The following DEFB123 variants were observed in gnomAD, a reference collection of about 807,000 sequenced individuals.
DEFB123 encodes the protein beta-defensin 123.
For synonymous variants in DEFB123, 22 were observed against 28.3 expected, an observed-to-expected ratio of 0.78 and a Z score of 0.71; for missense variants, 71 against 75.0, an observed-to-expected ratio of 0.95 and a Z score of 0.20.
At chr20:31,445,171 G>A (rs1979557182) in intron 1 of DEFB123, among the ~76,000 whole-genome samples, 1 of 152,140 alleles carries the variant, frequency 6.6e-6, no homozygotes, top group South Asian at 2.1e-4. Flanking sequence ...ATCAGCACCT[G>A]TATCCAGAGG....
intron 1 of DEFB123, among the ~76,000 whole-genome samples, chr20:31,445,698 C>G (rs554345607): frequency 5.8e-4 from 88 of 152,214 alleles, no homozygotes; most frequent in Admixed American, 2.4e-3. Flanking sequence ...CGCCACCACG[C>G]CTGCCTAATT....
Position 31,440,665 on chromosome 20 carries a change from C to T in DEFB123, c.-34C>T, listed in dbSNP as rs1469078427. On this transcript the variant is annotated 5_prime_UTR_variant, in exon 1 of 2. Coordinates refer to ENST00000376309, the MANE Select transcript of DEFB123 (RefSeq NM_153324.4). ...TCTCCCATTAGCTCAGCCGTGGCAT[C>T]GGACTTGCAGCTTCATTTTGGGCTG... 4.3e-6 allele frequency: 7 copies of T among 1,613,048 alleles called. No individual in the cohort carries two copies. Among genetic ancestry groups the T allele is most frequent in the Non-Finnish European group, 5.9e-6 (7 of 1,179,778 alleles).
At chr20:31,443,348 C>T (rs2122411305) in intron 1 of DEFB123, among the ~76,000 whole-genome samples, 1 of 152,310 alleles carries the variant, frequency 6.6e-6, no homozygotes, top group East Asian at 1.9e-4. Context: ...TGGGGACCTT[C>T]TGGGTCTATT....
intron 1 of DEFB123, among the ~76,000 whole-genome samples, chr20:31,446,249 A>C (rs1979582420): frequency 6.6e-6 from 1 of 152,264 alleles, no homozygotes; most frequent in East Asian, 1.9e-4. Flanking sequence ...ACTTCAAAGC[A>C]AGGCAGGGCC....
chr20:31,447,809 C>T (rs1281301244), intron 1 of DEFB123, among the ~76,000 whole-genome samples: 1 of 80,016 alleles, frequency 1.2e-5, no homozygotes, highest in African/African-American at 5.4e-5. Context: ...TTTTTTGAGA[C>T]GGAGTCCCGC....
chr20:31,441,141 T>C (rs182740737), intron 1 of DEFB123, among the ~76,000 whole-genome samples: 132 of 152,336 alleles, frequency 8.7e-4, no homozygotes, highest in African/African-American at 3.0e-3. Context: ...AGCTCATTTG[T>C]ACTTAGCTGT....
chr20:31,442,667 G>A (rs1024780835), intron 1 of DEFB123, among the ~76,000 whole-genome samples: 2 of 147,584 alleles, frequency 1.4e-5, no homozygotes, highest in Non-Finnish European at 3.0e-5. Context: ...GGAGTGTAGA[G>A]GCACGATCTT....
At chr20:31,449,073 T>G (rs1219710976) in intron 1 of DEFB123, among the ~76,000 whole-genome samples, 1 of 152,046 alleles carries the variant, frequency 6.6e-6, no homozygotes, top group Non-Finnish European at 1.5e-5. Flanking sequence ...TGCTCATGGC[T>G]TCCTCCACCT....
At chr20:31,443,431 C>A (rs1979513611) in intron 1 of DEFB123, among the ~76,000 whole-genome samples, 1 of 152,184 alleles carries the variant, frequency 6.6e-6, no homozygotes, top group African/African-American at 2.4e-5. Context: ...TCAGGTAGCA[C>A]CATGCAGTGC....
intron 1 of DEFB123, among the ~76,000 whole-genome samples, chr20:31,448,869 G>A (rs531391874): frequency 2.3e-4 from 33 of 145,854 alleles, no homozygotes; most frequent in Admixed American, 7.0e-4. Context: ...GTGCCACCAC[G>A]CCCAGCTAAT....
At chr20:31,444,739 G>A (rs1260544012) in intron 1 of DEFB123, among the ~76,000 whole-genome samples, 1 of 152,148 alleles carries the variant, frequency 6.6e-6, no homozygotes, top group Non-Finnish European at 1.5e-5. Context: ...TAATACAAGT[G>A]TGCAGCTTAA....
intron 1 of DEFB123, among the ~76,000 whole-genome samples, chr20:31,447,179 T>C (rs1219845636): frequency 6.6e-6 from 1 of 150,744 alleles, no homozygotes. Context: ...GGAGAATCGC[T>C]TGAACCCGGG....
intron 1 of DEFB123, 138 bp downstream of exon 1, chr20:31,440,894 A>G: frequency 2.1e-6 from 2 of 955,308 alleles, no homozygotes; most frequent in Non-Finnish European, 1.6e-6. Context: ...CACCAGCAGC[A>G]GGTGCCAGCT....
Position 31,450,017 on chromosome 20 carries a change from G to C in DEFB123, c.59-12G>C. On this transcript the variant is annotated splice_polypyrimidine_tract_variant and intron_variant, in intron 1 of 1. Coordinates refer to ENST00000376309, the MANE Select transcript of DEFB123 (RefSeq NM_153324.4). ...GACTGATACTGTCTCCCTTCTTTCT[G>C]CTTTGTGTCAGGTGGCACCCAAAGA... 9 of 1,603,758 alleles carry C rather than the reference G, an allele frequency of 5.6e-6. No homozygotes were observed. The highest frequency in any genetic ancestry group is 4.3e-6 in the Non-Finnish European group (5 of 1,176,070).
intron 1 of DEFB123, among the ~76,000 whole-genome samples, chr20:31,447,104 A>C (rs1282890394): frequency 1.3e-5 from 2 of 151,926 alleles, no homozygotes; most frequent in Non-Finnish European, 2.9e-5. Flanking sequence ...CTCTACTAAA[A>C]ATACAGAATT....
rs988991245 is a variant in DEFB123 at position 31,440,772 on chromosome 20, T to C, written c.58+16T>C. On this transcript the variant is annotated intron_variant, in intron 1 of 1. Coordinates refer to ENST00000376309, the MANE Select transcript of DEFB123 (RefSeq NM_153324.4). Reference sequence around the variant, plus strand: ...CTGACTCCAGGTAACCTGAACCTCCTTAAGGAAGGGGCAGGGCTTAGAGAC... The same window carrying C: ...CTGACTCCAGGTAACCTGAACCTCCCTAAGGAAGGGGCAGGGCTTAGAGAC... The C allele has an allele frequency of 6.2e-7, 1 of 1,612,716 alleles. No homozygotes were observed. The highest frequency in any genetic ancestry group is 8.5e-7 in the Non-Finnish European group (1 of 1,179,994).
chr20:31,447,083 A>T (rs1979607467), intron 1 of DEFB123, among the ~76,000 whole-genome samples: 1 of 151,892 alleles, frequency 6.6e-6, no homozygotes, highest in Non-Finnish European at 1.5e-5. Flanking sequence ...ACCAACATGG[A>T]GAAACCCCGT....
At chr20:31,440,903 C>A in intron 1 of DEFB123, 147 bp downstream of exon 1, 1 of 871,126 alleles carries the variant, frequency 1.1e-6, no homozygotes, top group Non-Finnish European at 1.8e-6. Context: ...CAGGTGCCAG[C>A]TGATAGATGA....
At chr20:31,448,878 A>ATTTTTTTTT (rs34804733) in intron 1 of DEFB123, among the ~76,000 whole-genome samples, 64 of 119,912 alleles carry the variant, frequency 5.3e-4, no homozygotes, top group African/African-American at 6.0e-4. Flanking sequence ...CGCCCAGCTA[A>ATTTTTTTTT]TTTTTTTTTT....
Sources: allele counts gnomAD v4.1 joint callset (sites outside exome capture counted in the v4.1 genomes callset), GRCh38; gene constraint gnomAD v4.1.1; transcripts MANE v1.5; gene names NCBI Gene and HGNC (gene_info 2026-07-23, HGNC 2026-07-21).